MYH10: variants seen among roughly 807,000 people sequenced by gnomAD.
MYH10 encodes myosin-10.
Under a neutral mutation model 257.8 loss-of-function variants are expected in MYH10, and 55 were observed. The observed-to-expected ratio is 0.21, with a 90% CI of 0.17 to 0.27. MYH10 has a LOEUF of 0.27. MYH10 is among the 10% of genes least tolerant of loss of function. The pLI is 1.00. For synonymous variants in MYH10, 854 were observed against 921.7 expected, an observed-to-expected ratio of 0.93 and a Z score of 1.33; for missense variants, 1,631 against 2,500.6, an observed-to-expected ratio of 0.65 and a Z score of 7.42.
rs2082447844 is a variant in MYH10 at position 8,546,452 on chromosome 17, T to C, written c.1278+92A>G. 22 of 965,644 alleles carry C rather than the reference T, an allele frequency of 2.3e-5. No homozygotes were observed. In the South Asian group the frequency reaches 3.0e-4, roughly 13 times the overall value. The allele number at this position is 965,644 out of a possible 1,614,324, so 59.8% of individuals were successfully genotyped here. On this transcript the variant is annotated intron_variant, in intron 12 of 42. Transcript: ENST00000360416. The stretch of plus-strand genomic sequence containing the variant: ...AAACACCCATGTAAGACAGTTTATA[T>C]TGATTCAGTTTGTTACATGTCAATC...
At chr17:8,482,718 C>G (rs184094666) in intron 37 of MYH10, among the ~76,000 whole-genome samples, 2 of 152,340 alleles carry the variant, frequency 1.3e-5, no homozygotes, top group South Asian at 4.1e-4. Flanking sequence ...TCTCTTCTCC[C>G]TAATGCAGTG....
chr17:8,568,256 TC>T (rs1321231691), intron 7 of MYH10, among the ~76,000 whole-genome samples: 1 of 152,182 alleles, frequency 6.6e-6, no homozygotes, highest in African/African-American at 2.4e-5. Context: ...GCTTCAGACA[TC>T]TAGCCTCCAG....
rs1045485767 is a variant in MYH10 at position 8,595,186 on chromosome 17, G to A, written c.503-6078C>T. Among the ~76,000 whole-genome samples the A allele has an allele frequency of 4.4e-4, 67 of 152,276 alleles. 1 individual carries two copies. Among genetic ancestry groups the A allele is most frequent in the African/African-American group, 1.4e-3 (60 of 41,556 alleles). ...GTGTGGATGACTATAGGACATTCTCGAAACGGCAGCACTAGTGTTTATTCC... is the reference window on the plus strand; with the variant it reads ...GTGTGGATGACTATAGGACATTCTCAAAACGGCAGCACTAGTGTTTATTCC... On this transcript the variant is annotated intron_variant, in intron 3 of 42. Coordinates refer to ENST00000360416, the MANE Select transcript of MYH10 (RefSeq NM_001256012.3).
chr17:8,495,417 A>G (rs546908714), intron 30 of MYH10, among the ~76,000 whole-genome samples, 176 bp from the exon 31 acceptor site: 3 of 152,144 alleles, frequency 2.0e-5, no homozygotes, highest in Non-Finnish European at 4.4e-5. Flanking sequence ...CGGAGCTCAA[A>G]TAAGTAGGTA....
At chr17:8,573,797 T>C in intron 6 of MYH10, 1 of 923,668 alleles carries the variant, frequency 1.1e-6, no homozygotes, top group Non-Finnish European at 1.3e-6. Context: ...ACTGATTTGC[T>C]TATATTTGTT....
intron 2 of MYH10, among the ~76,000 whole-genome samples, chr17:8,608,347 C>A (rs1480428351): frequency 6.6e-6 from 1 of 152,130 alleles, no homozygotes; most frequent in Non-Finnish European, 1.5e-5. Flanking sequence ...ACAGAAAAGG[C>A]AACACAAAAC....
At chr17:8,562,922 C>T (rs1227705771) in intron 7 of MYH10, among the ~76,000 whole-genome samples, 1 of 152,152 alleles carries the variant, frequency 6.6e-6, no homozygotes, top group African/African-American at 2.4e-5. Context: ...GAATTGACAT[C>T]GATTTCTAGA....
At chr17:8,606,947 T>G (rs1456336142) in intron 2 of MYH10, among the ~76,000 whole-genome samples, 2 of 152,270 alleles carry the variant, frequency 1.3e-5, no homozygotes, top group East Asian at 3.9e-4. Context: ...GACCAACACC[T>G]TGCACTTTCT....
chr17:8,625,999 T>C (rs1201383500), intron 1 of MYH10, among the ~76,000 whole-genome samples: 4 of 152,208 alleles, frequency 2.6e-5, no homozygotes, highest in African/African-American at 4.8e-5. Flanking sequence ...GGTTATAGAC[T>C]TGGATAAAAC....
intron 7 of MYH10, among the ~76,000 whole-genome samples, chr17:8,565,869 T>C (rs2083149772): frequency 1.3e-5 from 2 of 152,354 alleles, no homozygotes; most frequent in African/African-American, 4.8e-5. Context: ...TGGAATAGGA[T>C]GTATACATAA....
rs988062280 is a variant in MYH10 at position 8,569,342 on chromosome 17, T to C, written c.756+378A>G. Among the ~76,000 whole-genome samples, 12 of 152,314 alleles carry C rather than the reference T, an allele frequency of 7.9e-5. No homozygotes were observed. The highest frequency in any genetic ancestry group is 3.4e-3 in the Middle Eastern group (1 of 294). ...TACCACATCTAATGCGTTGAATGTT[T>C]ACTATGCATAGTGCCGGGCTAAGTG... On this transcript the variant is annotated intron_variant, in intron 7 of 42. Coordinates refer to ENST00000360416, the MANE Select transcript of MYH10 (RefSeq NM_001256012.3). The surrounding 1 kb of genome is among the most constrained non-coding windows in gnomAD (Gnocchi z 4.1).
intron 28 of MYH10, among the ~76,000 whole-genome samples, chr17:8,502,602 C>T (rs912666436): frequency 9.9e-5 from 15 of 152,002 alleles, no homozygotes; most frequent in African/African-American, 3.6e-4. Flanking sequence ...CATCAAAAGT[C>T]CTTAAGAGAG....
chr17:8,624,526 C>G (rs1035788136), intron 1 of MYH10, among the ~76,000 whole-genome samples: 1 of 152,164 alleles, frequency 6.6e-6, no homozygotes, highest in Non-Finnish European at 1.5e-5. Flanking sequence ...CTGTTCACTC[C>G]ACTCCCCTAG....
At chr17:8,589,472 C>T in intron 3 of MYH10, among the ~76,000 whole-genome samples, 1 of 152,176 alleles carries the variant, frequency 6.6e-6, no homozygotes, top group African/African-American at 2.4e-5. Flanking sequence ...CTAAATCATT[C>T]AACTCTGGGA....
At chr17:8,621,783 A>T (rs918960662) in intron 2 of MYH10, among the ~76,000 whole-genome samples, 1 of 152,156 alleles carries the variant, frequency 6.6e-6, no homozygotes, top group Non-Finnish European at 1.5e-5. Flanking sequence ...TCTCGTGGCT[A>T]GCTGCCTCCC....
intron 1 of MYH10, among the ~76,000 whole-genome samples, chr17:8,628,817 A>C (rs1305501510): frequency 6.6e-6 from 1 of 152,216 alleles, no homozygotes; most frequent in Non-Finnish European, 1.5e-5. Flanking sequence ...TCCACCCTAC[A>C]ACGTGCCCTT....
intron 14 of MYH10, 133 bp downstream of exon 14, chr17:8,541,974 C>A: frequency 1.1e-6 from 1 of 895,494 alleles, no homozygotes; most frequent in East Asian, 2.7e-5. Context: ...CAGAGTATCA[C>A]CTTCCTAGAA....
intron 16 of MYH10, among the ~76,000 whole-genome samples, chr17:8,531,804 C>A (rs1039445449): frequency 6.6e-6 from 1 of 152,120 alleles, no homozygotes; most frequent in African/African-American, 2.4e-5. Context: ...TCGTTTTCTG[C>A]TTTTGCATTT....
rs80276505 is a variant in MYH10, at chr17:8,622,309, A to G, written c.345+593T>C. 5.9e-3 allele frequency among the ~76,000 whole-genome samples: 891 copies of G among 152,262 alleles called. 11 individuals are homozygous for G. Among genetic ancestry groups the G allele is most frequent in the African/African-American group, 0.021 (853 of 41,532 alleles). ...TCTACATTATCCCTTATGATTTTCA[A>G]TAACTTCTTCTACATGGTCAGTGAC... On this transcript the variant is annotated intron_variant, in intron 2 of 42. Coordinates refer to ENST00000360416, the MANE Select transcript of MYH10 (RefSeq NM_001256012.3).
Sources: allele counts gnomAD v4.1 joint callset (sites outside exome capture counted in the v4.1 genomes callset), GRCh38; gene constraint gnomAD v4.1.1; non-coding constraint Gnocchi (gnomAD v3.1); transcripts MANE v1.5; gene names NCBI Gene and HGNC (gene_info 2026-07-23, HGNC 2026-07-21).